EPS8: variants seen among roughly 807,000 people sequenced by gnomAD.
EPS8 encodes epidermal growth factor receptor kinase substrate 8.
Under a neutral mutation model 103.8 loss-of-function variants are expected in EPS8, and 42 were observed. The observed-to-expected ratio is 0.40, with a 90% CI of 0.32 to 0.52. EPS8 has a LOEUF of 0.52. Among genes scored for constraint, EPS8 ranks in the 20% least tolerant of loss-of-function variants. EPS8 has a pLI of 0.40. For missense variants in EPS8, 969 were observed against 1,005.1 expected, an observed-to-expected ratio of 0.96 and a Z score of 0.49; for synonymous variants, 344 against 344.6, an observed-to-expected ratio of 1.00 and a Z score of 0.02.
At position 15,777,304 on chromosome 12, in the gene EPS8, C is replaced by CA. The variant is rs1190492707; in HGVS notation, c.-22+11856dup. On this transcript the variant is annotated intron_variant, in intron 1 of 20. Transcript: ENST00000281172. This position sits in a 1 kb window ranked among gnomAD's most constrained non-coding sequence, Gnocchi z 4.7. ...ACACACACACACACACAAAACAAAA[C>CA]AAAAAACCAACAGCATATGTTCTAA... Among the ~76,000 whole-genome samples the CA allele has an allele frequency of 2.0e-5, 3 of 151,164 alleles. No individual in the cohort carries two copies.
chr12:15,641,810 G>A lies in EPS8; in HGVS notation c.1589C>T (p.Thr530Ile). ...GGATTTGGCATATTTCTTGGGTTGTGTTTTGAGTGGTTCATAATTTCTATA... is the reference window on the plus strand; with the variant it reads ...GGATTTGGCATATTTCTTGGGTTGTATTTTGAGTGGTTCATAATTTCTATA... ...HIDRNYEPLK[T>I]QPKKYAKSKY... is the part of the protein sequence containing the mutation. Residue 530 changes from threonine (T) to isoleucine (I), a missense_variant, in exon 16 of 21, where the codon ACA becomes ATA. By Grantham distance (89) the Thr-to-Ile change is moderately conservative. Coordinates refer to ENST00000281172, the MANE Select transcript of EPS8 (RefSeq NM_004447.6). 6.4e-7 allele frequency: 1 copy of A among 1,573,760 alleles called. No homozygotes were observed. The highest frequency in any genetic ancestry group is 8.7e-7 in the Non-Finnish European group (1 of 1,151,900).
intron 1 of EPS8, among the ~76,000 whole-genome samples, chr12:15,712,120 CAA>C (rs1321978511): frequency 1.1e-4 from 16 of 151,950 alleles, no homozygotes; most frequent in Non-Finnish European, 1.6e-4. Context: ...GTCACTAACT[CAA>C]GTTTGATATT....
At chr12:15,667,697 A>G (rs1451190996) in intron 6 of EPS8, among the ~76,000 whole-genome samples, 1 of 152,170 alleles carries the variant, frequency 6.6e-6, no homozygotes, top group African/African-American at 2.4e-5. Flanking sequence ...ATCAAAAGCA[A>G]TATTGCACAA....
chr12:15,703,121 C>A (rs781090065), intron 1 of EPS8, among the ~76,000 whole-genome samples: 1 of 152,018 alleles, frequency 6.6e-6, no homozygotes, highest in African/African-American at 2.4e-5. Flanking sequence ...TGCACTCCAG[C>A]CTGGTGATGG....
chr12:15,655,785 C>T (rs1423354910), intron 12 of EPS8, among the ~76,000 whole-genome samples: 1 of 152,208 alleles, frequency 6.6e-6, no homozygotes, highest in East Asian at 1.9e-4. Flanking sequence ...GCTGTGGCTA[C>T]GCTCGTGTGT....
chr12:15,662,062 T>G lies in EPS8; in HGVS notation c.774A>C (p.Thr258=), dbSNP rs1358580451. 2 of 1,613,840 alleles carry G rather than the reference T, an allele frequency of 1.2e-6. No homozygotes were observed. The highest frequency in any genetic ancestry group is 3.3e-5 in the Admixed American group (2 of 59,996). The stretch of plus-strand genomic sequence containing the variant: ...CAATGCGGGCTGCCATCATCTCAGG[T>G]GTTTCTTCCTGCTCATGATACTGCC... ...KPRQYHEQEE[T]PEMMAARIDR... The change falls in exon 9 of 21, where the codon ACA becomes ACC. Residue 258 remains threonine (T), a synonymous_variant. Coordinates refer to ENST00000281172, the MANE Select transcript of EPS8 (RefSeq NM_004447.6).
rs983451117 is a variant in EPS8, at chr12:15,673,318, TAAATAA to T, written c.137-2401_137-2396del. Among the ~76,000 whole-genome samples, 712 of 145,932 alleles carry T rather than the reference TAAATAA, an allele frequency of 4.9e-3. 3 individuals are homozygous for T. The highest frequency in any genetic ancestry group is 0.019 in the African/African-American group (663 of 35,558). On this transcript the variant is annotated intron_variant, in intron 3 of 20. Transcript: ENST00000281172. The stretch of plus-strand genomic sequence containing the variant: ...TGTATAAATGCCATAAATGGACTTA[TAAATAA>T]ACTAGTAGTTCCAGTGATTTTTAAG...
intron 20 of EPS8, among the ~76,000 whole-genome samples, 200 bp from the exon 21 acceptor site, chr12:15,621,630 T>C (rs922764356): frequency 3.3e-5 from 5 of 152,206 alleles, no homozygotes; most frequent in South Asian, 4.1e-4. Flanking sequence ...GTAAAGTCTG[T>C]TAAGGCAATT....
chr12:15,647,061 C>T (rs1375184214), intron 15 of EPS8, 66 bp downstream of exon 15: 2 of 1,451,736 alleles, frequency 1.4e-6, no homozygotes, highest in African/African-American at 2.8e-5. Flanking sequence ...GACACTGTCA[C>T]CTCTGTTAGC....
At position 15,748,479 on chromosome 12, in the gene EPS8, AAAACTCTACAG is replaced by A. The variant is rs753858131; in HGVS notation, c.-22+40671_-22+40681del. Among the ~76,000 whole-genome samples, 55 of 152,164 alleles carry A rather than the reference AAAACTCTACAG, an allele frequency of 3.6e-4. No homozygotes were observed. The highest frequency in any genetic ancestry group is 3.9e-4 in the Admixed American group (6 of 15,272). On this transcript the variant is annotated intron_variant, in intron 1 of 20. Coordinates refer to ENST00000281172, the MANE Select transcript of EPS8 (RefSeq NM_004447.6). This position sits in a 1 kb window ranked among gnomAD's most constrained non-coding sequence, Gnocchi z 4.8. ...TGTTTTTTTTTAAAGTAGGACACAC[AAAACTCTACAG>A]AAACAATTTCAGTGAATTAAGTGTC...
At chr12:15,720,079 C>T (rs1300928937) in intron 1 of EPS8, among the ~76,000 whole-genome samples, 1 of 152,182 alleles carries the variant, frequency 6.6e-6, no homozygotes, top group African/African-American at 2.4e-5. Context: ...CAACTCCATA[C>T]TTTAAGGCTA....
rs1328978394 is a variant in EPS8, at chr12:15,675,911, G to A, written c.137-4988C>T. 5.9e-5 allele frequency among the ~76,000 whole-genome samples: 9 copies of A among 152,202 alleles called. No individual in the cohort carries two copies. The South Asian group carries it at 6.2e-4, about 11-fold the overall frequency. ...CTTAAATAAATGAAGTCCTCTGAGC[G>A]TTTGTTAGAGATGCCACCATGTCTA... On this transcript the variant is annotated intron_variant, in intron 3 of 20. Coordinates refer to ENST00000281172, the MANE Select transcript of EPS8 (RefSeq NM_004447.6).
chr12:15,665,568 T>C (rs1945692527), intron 8 of EPS8, 188 bp downstream of exon 8: 1 of 601,392 alleles, frequency 1.7e-6, no homozygotes, highest in Non-Finnish European at 2.9e-6. Flanking sequence ...TGACCTCAGG[T>C]GATCCGCCCG....
In EPS8 at chr12:15,697,822, G is replaced by A. The variant is rs1207054539; in HGVS notation, c.-21-14850C>T. 1.3e-5 allele frequency among the ~76,000 whole-genome samples: 2 copies of A among 152,172 alleles called. No homozygotes were observed. The highest frequency in any genetic ancestry group is 4.8e-5 in the African/African-American group (2 of 41,432). On this transcript the variant is annotated intron_variant, in intron 1 of 20. Transcript: ENST00000281172. This position sits in a 1 kb window ranked among gnomAD's most constrained non-coding sequence, Gnocchi z 5.6. ...TCTGAAAGTTTAGGGAGTCCAAGCAGTAGATGATCAGGATTATTAGAAATA... is the reference window on the plus strand; with the variant it reads ...TCTGAAAGTTTAGGGAGTCCAAGCAATAGATGATCAGGATTATTAGAAATA...
rs530780591 is a variant in EPS8, at chr12:15,739,429, G to A, written c.-22+49732C>T. ...CTGGGAGAGATTGGCGTGTGAGTCG[G>A]TGGCCTGGGGAGGAGGATCTGCTGC... On this transcript the variant is annotated intron_variant, in intron 1 of 20. Coordinates refer to ENST00000281172, the MANE Select transcript of EPS8 (RefSeq NM_004447.6). 1.8e-3 allele frequency among the ~76,000 whole-genome samples: 281 copies of A among 152,268 alleles called. 2 individuals are homozygous for A. Among genetic ancestry groups the A allele is most frequent in the African/African-American group, 6.5e-3 (269 of 41,542 alleles).
chr12:15,654,032 T>C (rs954493565), intron 13 of EPS8, 113 bp downstream of exon 13: 6 of 1,040,236 alleles, frequency 5.8e-6, no homozygotes, highest in East Asian at 4.8e-5. Flanking sequence ...TTTAGGTTTT[T>C]TCATCCTATG....
At chr12:15,641,942 G>A in intron 15 of EPS8, 112 bp from the exon 16 acceptor site, 1 of 455,744 alleles carries the variant, frequency 2.2e-6, no homozygotes, top group Non-Finnish European at 3.8e-6. Context: ...AAAAATTACA[G>A]CAGTTTCATT....
chr12:15,756,679 T>C (rs1032455740), intron 1 of EPS8, among the ~76,000 whole-genome samples: 1 of 152,208 alleles, frequency 6.6e-6, no homozygotes, highest in African/African-American at 2.4e-5. Flanking sequence ...AACAGTATCC[T>C]GACAGCCTTC....
chr12:15,697,500 C>T lies in EPS8; in HGVS notation c.-21-14528G>A, dbSNP rs1946258626. Among the ~76,000 whole-genome samples the T allele has an allele frequency of 6.6e-6, 1 of 152,196 alleles. No homozygotes were observed. The highest frequency in any genetic ancestry group is 1.5e-5 in the Non-Finnish European group (1 of 68,032). ...TCACAACTGCCTCATGAAGTAGGAACAATTACCATTCCCACTTTACAGATG... is the reference window on the plus strand; with the variant it reads ...TCACAACTGCCTCATGAAGTAGGAATAATTACCATTCCCACTTTACAGATG... On this transcript the variant is annotated intron_variant, in intron 1 of 20. Coordinates refer to ENST00000281172, the MANE Select transcript of EPS8 (RefSeq NM_004447.6). The surrounding 1 kb of genome is among the most constrained non-coding windows in gnomAD (Gnocchi z 5.6).
Sources: gnomAD v4.1 joint callset for allele counts (sites outside exome capture counted in the v4.1 genomes callset) on GRCh38, gnomAD v4.1.1 for gene constraint, Gnocchi (gnomAD v3.1) non-coding constraint, MANE v1.5 for transcripts, NCBI Gene and HGNC (gene_info 2026-07-23, HGNC 2026-07-21) for gene names.